NOTCH2: variants seen among roughly 807,000 people sequenced by gnomAD.
NOTCH2 encodes the protein neurogenic locus notch homolog protein 2.
In NOTCH2, 29 loss-of-function variants were observed where a neutral mutation model predicts 235.8. That is an observed-to-expected ratio of 0.12 (90% confidence interval 0.09 to 0.17). NOTCH2 has a LOEUF of 0.17. NOTCH2 is among the 10% of genes least tolerant of loss of function. The pLI, the probability that NOTCH2 is intolerant of heterozygous loss-of-function variation, is 1.00. For missense variants in NOTCH2, 2,285 were observed against 3,150.2 expected, an observed-to-expected ratio of 0.73 and a Z score of 6.57; for synonymous variants, 1,086 against 1,141.5, an observed-to-expected ratio of 0.95 and a Z score of 0.98.
chr1:119,981,176 G>A (rs138129752), intron 5 of NOTCH2, among the ~76,000 whole-genome samples: 234 of 139,692 alleles, frequency 1.7e-3, no homozygotes, highest in African/African-American at 5.5e-3. Flanking sequence ...CTCCTTCTCT[G>A]TCAACAGTTC....
intron 23 of NOTCH2, among the ~76,000 whole-genome samples, chr1:119,928,188 C>T (rs895591223): frequency 6.6e-6 from 1 of 152,144 alleles, no homozygotes; most frequent in Non-Finnish European, 1.5e-5. Flanking sequence ...GATAAGACCC[C>T]TATTCTGAGG....
At chr1:119,958,714 A>G (rs1188798875) in intron 12 of NOTCH2, among the ~76,000 whole-genome samples, 3 of 149,748 alleles carry the variant, frequency 2.0e-5, no homozygotes, top group African/African-American at 4.9e-5. Flanking sequence ...GAGAGAGAAG[A>G]TGTGTGTGTG....
intron 17 of NOTCH2, among the ~76,000 whole-genome samples, chr1:119,943,345 G>A (rs1650132816): frequency 6.6e-6 from 1 of 152,082 alleles, no homozygotes; most frequent in Non-Finnish European, 1.5e-5. Flanking sequence ...GCTGGGGGAA[G>A]AACCACCAGA....
At chr1:120,029,431 A>C (rs587655789) in intron 2 of NOTCH2, among the ~76,000 whole-genome samples, 14 of 151,784 alleles carry the variant, frequency 9.2e-5, no homozygotes, top group African/African-American at 3.1e-4. Context: ...GCTCACTGCA[A>C]CCTCCGCCTC....
At position 119,935,482 on chromosome 1, in the gene NOTCH2, T is replaced by G; in HGVS notation, c.3645A>C (p.Pro1215=). 1 of 1,614,214 alleles carries G rather than the reference T, an allele frequency of 6.2e-7. No individual in the cohort carries two copies. Among genetic ancestry groups the G allele is most frequent in the Non-Finnish European group, 8.5e-7 (1 of 1,180,042 alleles). Residue 1215 remains proline (P), a synonymous_variant, in exon 22 of 34, where the codon CCA becomes CCC. Coordinates refer to ENST00000256646, the MANE Select transcript of NOTCH2 (RefSeq NM_024408.4). The stretch of plus-strand genomic sequence containing the variant: ...AGGATGATTTCATACCCCGAGTGCC[T>G]GGTGGGCAAGAGCACTTGAAATGGT... The part of the protein sequence containing the change: ...LVNHFKCSCP[P]GTRGLLCEEN...
Position 119,940,660 on chromosome 1 carries a change from G to A in NOTCH2, c.3078C>T (p.Ile1026=), listed in dbSNP as rs782543877. 1.9e-6 allele frequency: 3 copies of A among 1,614,052 alleles called. No homozygotes were observed. The highest frequency in any genetic ancestry group is 4.5e-5 in the East Asian group (2 of 44,898). Residue 1026 remains isoleucine (I), a synonymous_variant, in exon 19 of 34, where the codon ATC becomes ATT. Transcript: ENST00000256646. The part of the protein sequence containing the change: ...GFTGSFCLHE[I]NECSSHPCLN... Reference sequence around the variant, plus strand: ...GGCATGGATGAGAGCTGCATTCATTGATCTCATGGAGGCAGAAGGATCCAG... The same window carrying A: ...GGCATGGATGAGAGCTGCATTCATTAATCTCATGGAGGCAGAAGGATCCAG...
At chr1:119,949,552 A>G (rs1037794758) in intron 15 of NOTCH2, among the ~76,000 whole-genome samples, 2 of 151,740 alleles carry the variant, frequency 1.3e-5, no homozygotes, top group African/African-American at 4.8e-5. Context: ...ACGCCCGGCT[A>G]ATTTTTTATA....
chr1:120,048,133 T>C (rs1423116578), intron 1 of NOTCH2, among the ~76,000 whole-genome samples: 1 of 147,580 alleles, frequency 6.8e-6, no homozygotes, highest in African/African-American at 2.6e-5. Flanking sequence ...TTAGATGACA[T>C]ATAGTCCCAT....
At chr1:119,926,382 A>G in intron 24 of NOTCH2, 117 bp downstream of exon 24, 5 of 854,558 alleles carry the variant, frequency 5.9e-6, no homozygotes, top group Non-Finnish European at 9.8e-6. Context: ...TGAAAGAGCT[A>G]AAATTGAGAA....
At chr1:119,949,669 GC>G (rs1557817800) in intron 15 of NOTCH2, among the ~76,000 whole-genome samples, 1 of 152,146 alleles carries the variant, frequency 6.6e-6, no homozygotes, top group Non-Finnish European at 1.5e-5. Flanking sequence ...TACAGGGTGA[GC>G]CACCGTGCCT....
intron 5 of NOTCH2, among the ~76,000 whole-genome samples, chr1:119,972,502 AT>A (rs1297992797): frequency 6.6e-6 from 1 of 152,194 alleles, no homozygotes; most frequent in Non-Finnish European, 1.5e-5. Context: ...CTTTGTGATA[AT>A]TTTGGGTACT....
intron 21 of NOTCH2, 130 bp downstream of exon 21, chr1:119,937,152 T>C: frequency 1.1e-6 from 1 of 914,242 alleles, no homozygotes; most frequent in Non-Finnish European, 1.8e-6. Context: ...GTAAACATTA[T>C]GACGGGGATT....
intron 3 of NOTCH2, among the ~76,000 whole-genome samples, chr1:120,002,538 A>G (rs1164555753): frequency 1.3e-5 from 2 of 149,586 alleles, no homozygotes; most frequent in East Asian, 3.9e-4. Flanking sequence ...GGAAAAAAAA[A>G]AACATAACCT....
chr1:120,002,530 A>G lies in NOTCH2; in HGVS notation c.415+2799T>C, dbSNP rs1402215952. 2.4e-4 allele frequency among the ~76,000 whole-genome samples: 35 copies of G among 144,498 alleles called. No homozygotes were observed. In the East Asian group the frequency reaches 6.7e-3, roughly 28 times the overall value. 94.8% of individuals were successfully genotyped at this position (144,498 alleles called of 152,430 possible). ...TGAAGGTTTGGGCCTCTCCATCAGG[A>G]AAAAAAAAAACATAACCTGCTGAGG... is the stretch of plus-strand genomic sequence containing the variant. On this transcript the variant is annotated intron_variant, in intron 3 of 33. Coordinates refer to ENST00000256646, the MANE Select transcript of NOTCH2 (RefSeq NM_024408.4).
chr1:119,931,340 C>T (rs956737824), intron 22 of NOTCH2, among the ~76,000 whole-genome samples: 2 of 151,882 alleles, frequency 1.3e-5, no homozygotes, highest in Admixed American at 1.3e-4. Flanking sequence ...ACAAAAGAGA[C>T]TTGAATAAAT....
At chr1:119,924,078 C>T in intron 25 of NOTCH2, 94 bp from the exon 26 acceptor site, 1 of 1,135,390 alleles carries the variant, frequency 8.8e-7, no homozygotes, top group Non-Finnish European at 1.3e-6. Flanking sequence ...GATTTTCCTA[C>T]CCATTTTCTG....
intron 5 of NOTCH2, among the ~76,000 whole-genome samples, chr1:119,985,900 G>A (rs1652002370): frequency 6.6e-6 from 1 of 152,158 alleles, no homozygotes; most frequent in Non-Finnish European, 1.5e-5. Context: ...GGAAAACCTG[G>A]TGGGAAAGTA....
At position 119,914,168 on chromosome 1, in the gene NOTCH2, G is replaced by A. The variant is rs1279803069; in HGVS notation, c.*1138C>T. 1 of 233,152 alleles carries A rather than the reference G, an allele frequency of 4.3e-6. No individual in the cohort carries two copies. Among genetic ancestry groups the A allele is most frequent in the Non-Finnish European group, 8.5e-6 (1 of 118,060 alleles). 14.4% of individuals were successfully genotyped at this position (233,152 alleles called of 1,614,324 possible). On this transcript the variant is annotated 3_prime_UTR_variant, in exon 34 of 34. Coordinates refer to ENST00000256646, the MANE Select transcript of NOTCH2 (RefSeq NM_024408.4). ...GTCTTCTGTGGATATGAAAGGAAAG[G>A]CTCAACAGTTAAGACTAGTTTCATA...
At position 119,915,234 on chromosome 1, in the gene NOTCH2, G is replaced by T. The variant is rs1000139830; in HGVS notation, c.*72C>A. 4.3e-5 allele frequency: 64 copies of T among 1,472,758 alleles called. No homozygotes were observed. In the African/African-American group the frequency reaches 7.6e-4, roughly 18 times the overall value. 91.2% of individuals were successfully genotyped at this position (1,472,758 alleles called of 1,614,324 possible). ...CCAGAGATTTCTTCATTTCTCTCCCGGATGACCTTCATTTGTTCCTCAGCA... is the reference window on the plus strand; with the variant it reads ...CCAGAGATTTCTTCATTTCTCTCCCTGATGACCTTCATTTGTTCCTCAGCA... On this transcript the variant is annotated 3_prime_UTR_variant, in exon 34 of 34. Transcript: ENST00000256646.
Sources: gnomAD v4.1 joint callset for allele counts (sites outside exome capture counted in the v4.1 genomes callset) on GRCh38, gnomAD v4.1.1 for gene constraint, MANE v1.5 for transcripts, NCBI Gene and HGNC (gene_info 2026-07-23, HGNC 2026-07-21) for gene names.